KLHDC4: variants seen among roughly 807,000 people sequenced by gnomAD.
KLHDC4 encodes the protein kelch domain-containing protein 4.
In KLHDC4, 90 loss-of-function variants were observed where a neutral mutation model predicts 62.4. That is an observed-to-expected ratio of 1.44 (90% CI 1.22 to 1.72). The LOEUF is 1.72. KLHDC4 is among the 40% of genes most tolerant of loss of function. The pLI, the probability that KLHDC4 is intolerant of heterozygous loss-of-function variation, is 0.00. For synonymous variants in KLHDC4, 386 were observed against 284.4 expected, an observed-to-expected ratio of 1.36 and a Z score of -3.59; for missense variants, 1,025 against 699.7, an observed-to-expected ratio of 1.47 and a Z score of -5.25.
At chr16:87,702,457 G>A (rs138043720) in exon 1 of KLHDC4, 210 of 363,104 alleles carry the variant, frequency 5.8e-4, no homozygotes, top group Non-Finnish European at 8.9e-4. Flanking sequence ...TGGGGAGCCC[G>A]CGTCCCCAAA....
At chr16:87,702,364 C>A (rs1567629204) in exon 1 of KLHDC4, 1 of 440,454 alleles carries the variant, frequency 2.3e-6, no homozygotes, top group Non-Finnish European at 4.6e-6. Context: ...GGTGCAGGGG[C>A]AGGGGGGCGG....
chr16:87,711,037 C>G, intron 9 of KLHDC4, 198 bp downstream of exon 9: 1 of 592,532 alleles, frequency 1.7e-6, no homozygotes, highest in South Asian at 2.1e-5. Context: ...GCATCCAGGA[C>G]AGACTAAGGG....
downstream of KLHDC4, among the ~76,000 whole-genome samples, chr16:87,705,165 G>A (rs892738628): frequency 5.3e-5 from 8 of 152,236 alleles, no homozygotes; most frequent in East Asian, 1.9e-4. Context: ...CACCGAGTAC[G>A]GCGTGTCCCA....
At chr16:87,765,408 G>A (rs1403118198) in intron 1 of KLHDC4, 2 of 482,912 alleles carry the variant, frequency 4.1e-6, no homozygotes, top group Non-Finnish European at 8.2e-6. Context: ...TCATGCAGAG[G>A]CAGCCCCCGG....
At chr16:87,760,479 T>C (rs1315387915) in intron 2 of KLHDC4, among the ~76,000 whole-genome samples, 1 of 150,758 alleles carries the variant, frequency 6.6e-6, no homozygotes, top group Non-Finnish European at 1.5e-5. Flanking sequence ...TGGTGGCGGG[T>C]GCCTGTAGTC....
At chr16:87,718,792 C>T (rs939981652) in intron 7 of KLHDC4, among the ~76,000 whole-genome samples, 2 of 151,748 alleles carry the variant, frequency 1.3e-5, no homozygotes, top group African/African-American at 4.8e-5. Context: ...GCGTCTCTGA[C>T]CGGCCGCCCA....
chr16:87,734,033 A>G (rs1267254818), intron 5 of KLHDC4, among the ~76,000 whole-genome samples: 1 of 152,238 alleles, frequency 6.6e-6, no homozygotes, highest in Non-Finnish European at 1.5e-5. Context: ...AAAAGCCCAG[A>G]AATGGGCAGG....
chr16:87,709,319 A>G lies in KLHDC4; in HGVS notation c.1393T>C (p.Cys465Arg). 1 of 1,613,366 alleles carries G rather than the reference A, an allele frequency of 6.2e-7. No homozygotes were observed. Among genetic ancestry groups the G allele is most frequent in the African/African-American group, 1.3e-5 (1 of 75,056 alleles). The change falls in exon 10 of 12, where the codon TGC becomes CGC. Residue 465 changes from cysteine to arginine, a missense_variant. By Grantham distance (180) the Cys-to-Arg change is radical. Coordinates refer to ENST00000270583, the MANE Select transcript of KLHDC4 (RefSeq NM_017566.4). ...GCCTCCATCCTGTGCAGGTCCAGGC[A>G]GTGCAGGTCGCTGAGGGTGACCTGG... ...DRQVTLSDLH[C>R]LDLHRMEAWK...
At chr16:87,720,536 G>A (rs1005849704) in intron 7 of KLHDC4, among the ~76,000 whole-genome samples, 7 of 116,588 alleles carry the variant, frequency 6.0e-5, no homozygotes, top group East Asian at 4.1e-4. Context: ...GAGCCCCTGC[G>A]GAGACGCCGC....
chr16:87,731,945 C>T (rs2040448084), intron 5 of KLHDC4, among the ~76,000 whole-genome samples: 1 of 152,156 alleles, frequency 6.6e-6, no homozygotes, highest in Non-Finnish European at 1.5e-5. Context: ...TTCTGCTGGA[C>T]TCCATGCACA....
chr16:87,732,864 A>G (rs1018081639), intron 5 of KLHDC4, among the ~76,000 whole-genome samples: 5 of 147,912 alleles, frequency 3.4e-5, no homozygotes, highest in Admixed American at 6.7e-5. Context: ...TACAGGTGAA[A>G]AGGCAGGTGC....
chr16:87,755,643 T>C lies in KLHDC4; in HGVS notation c.271-351A>G, dbSNP rs2044758759. On this transcript the variant is annotated intron_variant, in intron 3 of 11. Transcript: ENST00000270583. ...GTGCAATGGCGCAATCTTTGCTCACTGCAACCTCCGCCTCCCAGGTGCAAG... is the reference window on the plus strand; with the variant it reads ...GTGCAATGGCGCAATCTTTGCTCACCGCAACCTCCGCCTCCCAGGTGCAAG... The C allele has an allele frequency of 2.0e-5, 4 of 198,594 alleles. No homozygotes were observed. In the Admixed American group the frequency reaches 2.2e-4, roughly 11 times the overall value. The allele number at this position is 198,594 out of a possible 1,614,324, so 12.3% of individuals were successfully genotyped here. A position where few individuals can be genotyped will look rare whatever the true frequency, so the allele number is the denominator to read the frequency against.
At chr16:87,750,533 G>C in intron 4 of KLHDC4, 1 of 152,354 alleles carries the variant, frequency 6.6e-6, no homozygotes. Context: ...ATTTCCTCTC[G>C]TTTCAAGGTA....
chr16:87,698,790 C>G (rs571372608), exon 1 of KLHDC4: 1 of 152,186 alleles, frequency 6.6e-6, no homozygotes, highest in Non-Finnish European at 1.5e-5. Context: ...GGCACGCAGT[C>G]CCTCCGCCCA....
intron 8 of KLHDC4, among the ~76,000 whole-genome samples, chr16:87,713,346 C>G (rs534338463): frequency 6.6e-6 from 1 of 151,930 alleles, no homozygotes; most frequent in Non-Finnish European, 1.5e-5. Flanking sequence ...ACTACAGGCA[C>G]ACACGCCAGC....
chr16:87,702,431 T>G, exon 1 of KLHDC4: 1 of 369,056 alleles, frequency 2.7e-6, no homozygotes, highest in Non-Finnish European at 5.3e-6. Context: ...ACCCCCGGCT[T>G]TCTCGCTTGG....
chr16:87,709,393 T>C lies in KLHDC4; in HGVS notation c.1319A>G (p.Lys440Arg). The change falls in exon 10 of 12, where the codon AAG (lysine) becomes AGG (arginine). Residue 440 changes from lysine to arginine, a missense_variant. Transcript: ENST00000270583. ...CCCATAGACGTAGAGCACCCCATGC[T>C]TCACAGCCAGCATGGCGTTGGAGCG... Reference protein sequence around the residue: ...CPRSNAMLAVKHGVLYVYGGM... With the variant: ...CPRSNAMLAVRHGVLYVYGGM... 1 of 1,613,400 alleles carries C rather than the reference T, an allele frequency of 6.2e-7. No individual in the cohort carries two copies. The highest frequency in any genetic ancestry group is 8.5e-7 in the Non-Finnish European group (1 of 1,179,916).
intron 5 of KLHDC4, among the ~76,000 whole-genome samples, chr16:87,746,494 C>T (rs1237938036): frequency 6.6e-6 from 1 of 152,212 alleles, no homozygotes; most frequent in African/African-American, 2.4e-5. Context: ...CAGACGCACA[C>T]TCCACACGAC....
chr16:87,764,757 C>A (rs1476940483), intron 1 of KLHDC4, among the ~76,000 whole-genome samples: 1 of 143,862 alleles, frequency 7.0e-6, no homozygotes, highest in Non-Finnish European at 1.5e-5. Context: ...GATGAACTGA[C>A]TTCCTGTGCC....
Sources: allele counts gnomAD v4.1 joint callset (sites outside exome capture counted in the v4.1 genomes callset), GRCh38; gene constraint gnomAD v4.1.1; transcripts MANE v1.5; gene names NCBI Gene and HGNC (gene_info 2026-07-23, HGNC 2026-07-21).